The following SNX25 variants were observed in gnomAD, a reference collection of about 807,000 sequenced individuals.
SNX25 encodes the protein sorting nexin-25.
In SNX25, 62 loss-of-function variants were observed where a neutral mutation model predicts 113.7. That is an observed-to-expected ratio of 0.55 (90% CI 0.44 to 0.67). The LOEUF (loss-of-function observed/expected upper bound fraction) is 0.67. Ranked by LOEUF, SNX25 falls within the 30% of genes least tolerant of loss-of-function variation. SNX25 has a pLI of 0.00. For synonymous variants in SNX25, 421 were observed against 436.2 expected, an observed-to-expected ratio of 0.97 and a Z score of 0.43; for missense variants, 1,014 against 1,161.0, an observed-to-expected ratio of 0.87 and a Z score of 1.84.
chr4:185,359,237 C>T lies in SNX25; in HGVS notation c.2651+1500C>T, dbSNP rs534100335. ...GGTAGTACACGCATGCCTGTGATTCCAGCTCCTCAGGAGGCTCAGGCGGGA... is the reference window on the plus strand; with the variant it reads ...GGTAGTACACGCATGCCTGTGATTCTAGCTCCTCAGGAGGCTCAGGCGGGA... On this transcript the variant is annotated intron_variant, in intron 16 of 18. Coordinates refer to ENST00000652585, the MANE Select transcript of SNX25 (RefSeq NM_001378034.2). Among the ~76,000 whole-genome samples, 24 of 152,004 alleles carry T rather than the reference C, an allele frequency of 1.6e-4. No individual in the cohort carries two copies. The East Asian group carries it at 4.5e-3, about 28-fold the overall frequency.
intron 2 of SNX25, among the ~76,000 whole-genome samples, chr4:185,252,717 T>C (rs897790206): frequency 6.6e-6 from 1 of 152,222 alleles, no homozygotes; most frequent in Non-Finnish European, 1.5e-5. Context: ...GCTTGTGTTG[T>C]AGCTCAGTAT....
intron 3 of SNX25, 55 bp from the exon 4 acceptor site, chr4:185,264,383 A>G (rs1747758018): frequency 3.3e-6 from 5 of 1,529,536 alleles, no homozygotes; most frequent in South Asian, 1.2e-5. Flanking sequence ...CTAATAGTAC[A>G]TAATTGAATT....
In SNX25 at chr4:185,223,397, C is replaced by G. The variant is rs112446686; in HGVS notation, c.429+13142C>G. On this transcript the variant is annotated intron_variant, in intron 1 of 18. Transcript: ENST00000652585. Reference sequence around the variant, plus strand: ...CTGATTGCACATCAGTGGTGCAGTTCAACATGCTCCTCTGTGTGCTCTGTG... The same window carrying G: ...CTGATTGCACATCAGTGGTGCAGTTGAACATGCTCCTCTGTGTGCTCTGTG... Among the ~76,000 whole-genome samples the G allele has an allele frequency of 5.3e-3, 803 of 152,242 alleles. 7 individuals are homozygous for G. Among genetic ancestry groups the G allele is most frequent in the African/African-American group, 0.018 (735 of 41,544 alleles).
chr4:185,370,883 C>T, downstream of SNX25: 2 of 1,508,544 alleles, frequency 1.3e-6, no homozygotes, highest in Admixed American at 3.4e-5. Flanking sequence ...AACGATGCGC[C>T]TAGAGACTGT....
At chr4:185,326,262 G>A (rs970999411) in intron 9 of SNX25, among the ~76,000 whole-genome samples, 5 of 152,096 alleles carry the variant, frequency 3.3e-5, no homozygotes, top group Non-Finnish European at 5.9e-5. Flanking sequence ...AGTTCAGTTC[G>A]TGCAGTTAAT....
chr4:185,216,396 G>A (rs1176257441), intron 1 of SNX25, among the ~76,000 whole-genome samples: 3 of 151,894 alleles, frequency 2.0e-5, no homozygotes, highest in Non-Finnish European at 4.4e-5. Context: ...AGCATAAGAT[G>A]AAGTTGTATA....
downstream of SNX25, chr4:185,374,428 C>T (rs748953000): frequency 3.7e-6 from 6 of 1,614,046 alleles, no homozygotes; most frequent in South Asian, 6.6e-5. Flanking sequence ...CATGGAGAAT[C>T]AAGAATTTTC....
At chr4:185,217,219 C>T (rs1391051045) in intron 1 of SNX25, among the ~76,000 whole-genome samples, 2 of 151,124 alleles carry the variant, frequency 1.3e-5, no homozygotes, top group Non-Finnish European at 2.9e-5. Context: ...CACCACTGCA[C>T]TCCAGCCTGG....
At chr4:185,330,246 A>T (rs2095184729) in intron 9 of SNX25, among the ~76,000 whole-genome samples, 1 of 152,002 alleles carries the variant, frequency 6.6e-6, no homozygotes, top group African/African-American at 2.4e-5. Flanking sequence ...CTCTGGTCAG[A>T]GGGGAGGTTA....
intron 7 of SNX25, among the ~76,000 whole-genome samples, chr4:185,315,729 A>G (rs951354543): frequency 2.7e-5 from 4 of 146,324 alleles, no homozygotes; most frequent in East Asian, 1.9e-4. Context: ...AAACCAGAGG[A>G]AAAAAAAACT....
At chr4:185,337,348 CCTT>C (rs2095236752) in intron 10 of SNX25, among the ~76,000 whole-genome samples, 1 of 152,180 alleles carries the variant, frequency 6.6e-6, no homozygotes, top group Non-Finnish European at 1.5e-5. Context: ...CAACATTTGT[CCTT>C]CTGTGACTGG....
At chr4:185,351,667 A>C in intron 14 of SNX25, 58 bp downstream of exon 14, 274 of 1,553,492 alleles carry the variant, frequency 1.8e-4, no homozygotes, top group Non-Finnish European at 2.2e-4. Context: ...TACTAAGCTC[A>C]TGCTCCTCAT....
chr4:185,319,523 T>TTC (rs2095103690), intron 7 of SNX25, among the ~76,000 whole-genome samples: 1 of 151,612 alleles, frequency 6.6e-6, no homozygotes, highest in Non-Finnish European at 1.5e-5. Context: ...CTTTTTTTTT[T>TTC]TTTTATCACT....
chr4:185,362,841 T>A, intron 18 of SNX25, 130 bp downstream of exon 18: 1 of 483,304 alleles, frequency 2.1e-6, no homozygotes, highest in Non-Finnish European at 3.6e-6. Flanking sequence ...CCTTGACTTT[T>A]TTTTTTTTTT....
chr4:185,219,864 T>A (rs1739509527), intron 1 of SNX25, among the ~76,000 whole-genome samples: 1 of 152,144 alleles, frequency 6.6e-6, no homozygotes, highest in Non-Finnish European at 1.5e-5. Context: ...ATCTTAACTG[T>A]TCCAGATATT....
chr4:185,309,243 G>C (rs1053053792), intron 6 of SNX25, among the ~76,000 whole-genome samples: 2 of 152,114 alleles, frequency 1.3e-5, no homozygotes, highest in African/African-American at 4.8e-5. Flanking sequence ...TGGAAGCCTC[G>C]GGGCAGGTGA....
intron 1 of SNX25, among the ~76,000 whole-genome samples, chr4:185,240,501 G>T (rs1743638075): frequency 6.7e-6 from 1 of 149,944 alleles, no homozygotes; most frequent in African/African-American, 2.5e-5. Flanking sequence ...CTCCCGGATG[G>T]GGCGGCTGGC....
At chr4:185,274,086 A>T (rs1294929722) in intron 5 of SNX25, among the ~76,000 whole-genome samples, 2 of 145,014 alleles carry the variant, frequency 1.4e-5, no homozygotes, top group African/African-American at 5.1e-5. Context: ...TTTGAGATGG[A>T]GTCTCACTCT....
chr4:185,378,291 C>T, the SNX25 span: 2 of 1,524,240 alleles, frequency 1.3e-6, no homozygotes, highest in African/African-American at 1.4e-5. Context: ...ACCAGGTGCT[C>T]ATTAGGAAAA....
Sources: gnomAD v4.1 joint callset for allele counts (sites outside exome capture counted in the v4.1 genomes callset) on GRCh38, gnomAD v4.1.1 for gene constraint, MANE v1.5 for transcripts, NCBI Gene and HGNC (gene_info 2026-07-23, HGNC 2026-07-21) for gene names.